MGAT5B: variants seen among roughly 807,000 people sequenced by gnomAD.
The protein encoded by MGAT5B is alpha-1,6-mannosylglycoprotein 6-beta-N-acetylglucosaminyltransferase B.
Under a neutral mutation model 95.1 loss-of-function variants are expected in MGAT5B, and 54 were observed. The observed-to-expected ratio is 0.57, with a 90% confidence interval of 0.46 to 0.71. The LOEUF is 0.71. Ranked by LOEUF, MGAT5B falls within the 30% of genes least tolerant of loss-of-function variation. The pLI is 0.00. For missense variants in MGAT5B, 935 were observed against 1,088.6 expected, an observed-to-expected ratio of 0.86 and a Z score of 1.99; for synonymous variants, 464 against 451.0, an observed-to-expected ratio of 1.03 and a Z score of -0.36.
intron 10 of MGAT5B, among the ~76,000 whole-genome samples, chr17:76,931,246 G>A (rs1032390508): frequency 1.3e-5 from 2 of 152,070 alleles, no homozygotes; most frequent in Non-Finnish European, 2.9e-5. Context: ...ACAGGTGTGC[G>A]CCACCACACC....
chr17:76,876,243 C>T (rs1967182749), intron 2 of MGAT5B, among the ~76,000 whole-genome samples: 1 of 152,052 alleles, frequency 6.6e-6, no homozygotes, highest in Admixed American at 6.5e-5. Context: ...CCAGCATTTC[C>T]ACTTAGGAGA....
At chr17:76,884,335 C>T (rs979239321) in intron 3 of MGAT5B, among the ~76,000 whole-genome samples, 1 of 152,214 alleles carries the variant, frequency 6.6e-6, no homozygotes, top group Non-Finnish European at 1.5e-5. Flanking sequence ...ACTGGCTCCA[C>T]AGCCCACATT....
intron 3 of MGAT5B, 62 bp from the exon 4 acceptor site, chr17:76,902,493 G>T: frequency 7.8e-7 from 1 of 1,276,444 alleles, no homozygotes; most frequent in South Asian, 1.3e-5. Flanking sequence ...TTACTGGCAG[G>T]ACCCTCATGG....
chr17:76,891,583 T>C (rs1967871294), intron 3 of MGAT5B, among the ~76,000 whole-genome samples: 1 of 152,196 alleles, frequency 6.6e-6, no homozygotes, highest in Non-Finnish European at 1.5e-5. Context: ...TTTCACCATG[T>C]TGCCCAGGGT....
chr17:76,880,094 G>C (rs963301937), intron 2 of MGAT5B, among the ~76,000 whole-genome samples: 4 of 152,324 alleles, frequency 2.6e-5, no homozygotes, highest in Admixed American at 2.6e-4. Flanking sequence ...AGCTCTTGGG[G>C]TGGGGAGGAA....
chr17:76,914,644 CT>C lies in MGAT5B; in HGVS notation c.1025+8470del, dbSNP rs55850824. 0.34 allele frequency among the ~76,000 whole-genome samples: 49,370 copies of C among 146,010 alleles called. 8,449 individuals are homozygous for C. The highest frequency in any genetic ancestry group is 0.47 in the Middle Eastern group (134 of 284). On this transcript the variant is annotated intron_variant, in intron 8 of 17. Transcript: ENST00000569840. This position sits in a 1 kb window ranked among gnomAD's most constrained non-coding sequence, Gnocchi z 5.1. ...CTCTGTGTCCACATTTCTTCTTCCT[CT>C]TTTTTTTTTTTTGAGACAGAGTCTT...
chr17:76,926,380 G>T (rs937790547), intron 9 of MGAT5B, among the ~76,000 whole-genome samples: 2 of 152,208 alleles, frequency 1.3e-5, no homozygotes, highest in African/African-American at 4.8e-5. Context: ...CAATTGGGCT[G>T]TTGTTTTTCC....
At position 76,885,504 on chromosome 17, in the gene MGAT5B, G is replaced by A. The variant is rs1256435667; in HGVS notation, c.329+3206G>A. Among the ~76,000 whole-genome samples the A allele has an allele frequency of 2.6e-5, 4 of 152,290 alleles. No homozygotes were observed. In the South Asian group the frequency reaches 6.2e-4, roughly 24 times the overall value. ...TTGGGCTGGGGGTGGTACTGCTGGC[G>A]CATCCAGTGTTTCTCTGATTTTTTT... On this transcript the variant is annotated intron_variant, in intron 3 of 17. Transcript: ENST00000569840.
At position 76,930,995 on chromosome 17, in the gene MGAT5B, G is replaced by C. The variant is rs1028798707; in HGVS notation, c.1292-1650G>C. On this transcript the variant is annotated intron_variant, in intron 10 of 17. Transcript: ENST00000569840. This position sits in a 1 kb window ranked among gnomAD's most constrained non-coding sequence, Gnocchi z 4.1. ...CTTTTCCCCTGTCTCATCCATCTTT[G>C]TCCAGCATTCATAAAGCCAGCCCAG... Among the ~76,000 whole-genome samples the C allele has an allele frequency of 3.0e-4, 45 of 152,228 alleles. No individual in the cohort carries two copies. The highest frequency in any genetic ancestry group is 1.1e-3 in the African/African-American group (45 of 41,458).
chr17:76,944,188 A>G (rs141285951), intron 15 of MGAT5B: 27 of 152,344 alleles, frequency 1.8e-4, no homozygotes, highest in African/African-American at 5.3e-4. Context: ...TAATGGGGGT[A>G]ATTTCCAGGC....
At chr17:76,932,102 G>A (rs979575196) in intron 10 of MGAT5B, among the ~76,000 whole-genome samples, 33 of 103,098 alleles carry the variant, frequency 3.2e-4, no homozygotes, top group African/African-American at 1.2e-3. Flanking sequence ...CCCCTTCTTC[G>A]TCTTTGTCTT....
chr17:76,885,527 T>C (rs922868564), intron 3 of MGAT5B, among the ~76,000 whole-genome samples: 5 of 152,196 alleles, frequency 3.3e-5, no homozygotes, highest in African/African-American at 1.2e-4. Context: ...CTCTGATTTT[T>C]TTCCGGTCCT....
Position 76,906,302 on chromosome 17 carries a change from G to A in MGAT5B, c.1025+115G>A. On this transcript the variant is annotated intron_variant, in intron 8 of 17. Transcript: ENST00000569840. The surrounding 1 kb of genome is among the most constrained non-coding windows in gnomAD (Gnocchi z 4.6). Reference sequence around the variant, plus strand: ...ACCTGCTCTGCCTGCAGGTCCCACGGCCCTGAGACCCTGGGAGACATCCTG... The same window carrying A: ...ACCTGCTCTGCCTGCAGGTCCCACGACCCTGAGACCCTGGGAGACATCCTG... 1.0e-6 allele frequency: 1 copy of A among 990,728 alleles called. No individual in the cohort carries two copies. The highest frequency in any genetic ancestry group is 3.0e-5 in the East Asian group (1 of 33,212). 61.4% of individuals were successfully genotyped at this position (990,728 alleles called of 1,614,324 possible). A position where few individuals can be genotyped will look rare whatever the true frequency, so the allele number is the denominator to read the frequency against.
chr17:76,948,580 C>G (rs1970107887), intron 17 of MGAT5B, 60 bp from the exon 18 acceptor site: 1 of 1,523,262 alleles, frequency 6.6e-7, no homozygotes, highest in Admixed American at 1.9e-5. Flanking sequence ...CCCTACCCCG[C>G]CCCAGCCCTT....
chr17:76,909,022 G>A (rs1319075282), intron 8 of MGAT5B, among the ~76,000 whole-genome samples: 4 of 151,918 alleles, frequency 2.6e-5, no homozygotes, highest in Non-Finnish European at 4.4e-5. Flanking sequence ...GGTCATGCTG[G>A]TCTCGAACTC....
intron 3 of MGAT5B, among the ~76,000 whole-genome samples, chr17:76,894,538 T>C (rs1259706867): frequency 1.3e-5 from 2 of 152,244 alleles, no homozygotes; most frequent in Non-Finnish European, 2.9e-5. Context: ...GGTGGCTTTA[T>C]GATGTCAGGT....
intron 3 of MGAT5B, among the ~76,000 whole-genome samples, chr17:76,894,282 A>G (rs1967989553): frequency 6.6e-6 from 1 of 152,150 alleles, no homozygotes; most frequent in African/African-American, 2.4e-5. Flanking sequence ...CTGATCTCTC[A>G]TTTAATAACT....
At position 76,916,405 on chromosome 17, in the gene MGAT5B, G is replaced by A. The variant is rs1968941153; in HGVS notation, c.1026-8561G>A. On this transcript the variant is annotated intron_variant, in intron 8 of 17. Coordinates refer to ENST00000569840, the MANE Select transcript of MGAT5B (RefSeq NM_001199172.2). The surrounding 1 kb of genome is among the most constrained non-coding windows in gnomAD (Gnocchi z 5.3). ...GCTCTGGCCTGGCCTGTGTTGGGGA[G>A]GGCTGCAAGGGAAGACTCATGGAAA... Among the ~76,000 whole-genome samples, 1 of 152,248 alleles carries A rather than the reference G, an allele frequency of 6.6e-6. No individual in the cohort carries two copies. The highest frequency in any genetic ancestry group is 1.5e-5 in the Non-Finnish European group (1 of 68,038).
In MGAT5B at chr17:76,906,738, G is replaced by T. The variant is rs1230443774; in HGVS notation, c.1025+551G>T. 6.6e-6 allele frequency among the ~76,000 whole-genome samples: 1 copy of T among 152,138 alleles called. No homozygotes were observed. The highest frequency in any genetic ancestry group is 1.5e-5 in the Non-Finnish European group (1 of 68,022). ...CTGAGTGTTTGAGGGTAGGATGGGG[G>T]TGAGGCTGAGAGTGTGGGGATGTCA... On this transcript the variant is annotated intron_variant, in intron 8 of 17. Transcript: ENST00000569840. This position sits in a 1 kb window ranked among gnomAD's most constrained non-coding sequence, Gnocchi z 4.6.
Sources: allele counts gnomAD v4.1 joint callset (sites outside exome capture counted in the v4.1 genomes callset), GRCh38; gene constraint gnomAD v4.1.1; non-coding constraint Gnocchi (gnomAD v3.1); transcripts MANE v1.5; gene names NCBI Gene and HGNC (gene_info 2026-07-23, HGNC 2026-07-21).